NRXN3: variants seen among roughly 807,000 people sequenced by gnomAD.
NRXN3 encodes the protein neurexin III.
A neutral mutation model predicts 137.6 loss-of-function variants in NRXN3; 32 were observed. The ratio of observed to expected loss-of-function variants is 0.23; its 90% CI spans 0.18 to 0.31. The LOEUF (loss-of-function observed/expected upper bound fraction) is 0.31, where lower values mean the gene tolerates loss of function less well. Among genes scored for constraint, NRXN3 ranks in the 10% least tolerant of loss-of-function variants. The probability of loss-of-function intolerance (pLI) is 1.00; values close to 1 mark genes in which losing one functional copy is unlikely to be tolerated. For synonymous variants in NRXN3, 798 were observed against 784.5 expected, an observed-to-expected ratio of 1.02 and a Z score of -0.29; for missense variants, 1,574 against 2,062.5, an observed-to-expected ratio of 0.76 and a Z score of 4.59.
chr14:78,449,523 A>G (rs1268308520), intron 4 of NRXN3, among the ~76,000 whole-genome samples: 1 of 152,204 alleles, frequency 6.6e-6, no homozygotes, highest in Non-Finnish European at 1.5e-5. Context: ...CTGTTATCAC[A>G]TTTATTATCT....
At chr14:78,820,081 C>T (rs1476127074) in intron 10 of NRXN3, among the ~76,000 whole-genome samples, 1 of 151,958 alleles carries the variant, frequency 6.6e-6, no homozygotes, top group African/African-American at 2.4e-5. Context: ...AACCGTTTGA[C>T]CTCTATGCGG....
chr14:78,307,739 T>C (rs1444129662), intron 4 of NRXN3, among the ~76,000 whole-genome samples: 1 of 152,128 alleles, frequency 6.6e-6, no homozygotes, highest in African/African-American at 2.4e-5. Flanking sequence ...GCTGCATCTT[T>C]CATTAAAATT....
At chr14:79,136,154 A>G (rs2058202266) in intron 15 of NRXN3, among the ~76,000 whole-genome samples, 1 of 152,222 alleles carries the variant, frequency 6.6e-6, no homozygotes, top group Admixed American at 6.5e-5. Context: ...GTAATATCCC[A>G]TATAAAATCA....
intron 15 of NRXN3, among the ~76,000 whole-genome samples, chr14:79,393,145 C>G (rs2094909335): frequency 6.6e-6 from 1 of 151,946 alleles, no homozygotes; most frequent in Non-Finnish European, 1.5e-5. Flanking sequence ...AGTTGCCATT[C>G]TAGATAGCAT....
intron 4 of NRXN3, among the ~76,000 whole-genome samples, chr14:78,430,392 G>A (rs1290390593): frequency 6.6e-6 from 1 of 152,224 alleles, no homozygotes; most frequent in East Asian, 1.9e-4. Context: ...GCGTTACTAT[G>A]GCTAAATGTT....
chr14:78,658,010 T>C (rs927890460), intron 6 of NRXN3, among the ~76,000 whole-genome samples: 13 of 152,206 alleles, frequency 8.5e-5, no homozygotes, highest in African/African-American at 3.1e-4. Context: ...TTTTCTCTAA[T>C]TCGTTTGTTT....
At chr14:78,818,354 T>A (rs1208967456) in intron 10 of NRXN3, among the ~76,000 whole-genome samples, 1 of 152,096 alleles carries the variant, frequency 6.6e-6, no homozygotes, top group Non-Finnish European at 1.5e-5. Context: ...GGTAATGAAT[T>A]GTATCCATTG....
At chr14:78,419,638 AGACCAC>A (rs1331780416) in intron 4 of NRXN3, among the ~76,000 whole-genome samples, 1 of 152,188 alleles carries the variant, frequency 6.6e-6, no homozygotes, top group Non-Finnish European at 1.5e-5. Flanking sequence ...TCAAATGCAA[AGACCAC>A]GTGGCAATTA....
At chr14:78,790,664 T>G (rs1400053403) in intron 8 of NRXN3, among the ~76,000 whole-genome samples, 1 of 152,172 alleles carries the variant, frequency 6.6e-6, no homozygotes, top group Non-Finnish European at 1.5e-5. Flanking sequence ...TGCCAGTTGC[T>G]GCATGAATGA....
At chr14:78,716,125 G>C (rs1435830545) in intron 8 of NRXN3, among the ~76,000 whole-genome samples, 1 of 152,168 alleles carries the variant, frequency 6.6e-6, no homozygotes, top group Non-Finnish European at 1.5e-5. Context: ...AGAATGCTGG[G>C]AGGATTCCCT....
At chr14:79,557,936 C>G (rs1386134255) in intron 16 of NRXN3, among the ~76,000 whole-genome samples, 2 of 152,114 alleles carry the variant, frequency 1.3e-5, no homozygotes, top group Non-Finnish European at 2.9e-5. Context: ...CCCTTATCAA[C>G]TAAGTTTATG....
At chr14:79,131,586 T>A (rs2057487985) in intron 15 of NRXN3, among the ~76,000 whole-genome samples, 2 of 152,234 alleles carry the variant, frequency 1.3e-5, no homozygotes, top group African/African-American at 4.8e-5. Context: ...TTCCAAGCTG[T>A]CAGACAGGGT....
At chr14:78,378,339 G>A (rs2088301493) in intron 4 of NRXN3, among the ~76,000 whole-genome samples, 1 of 152,080 alleles carries the variant, frequency 6.6e-6, no homozygotes. Flanking sequence ...ACAAAAATTA[G>A]CCAGGCATGG....
At chr14:79,014,906 G>A (rs10138641) in intron 15 of NRXN3, among the ~76,000 whole-genome samples, 16 of 151,948 alleles carry the variant, frequency 1.1e-4, no homozygotes, top group African/African-American at 3.6e-4. Context: ...ATTTAAGTTC[G>A]CTTTTCCAGG....
At chr14:79,265,231 CTTTTTTTTTTTTT>C (rs936690790) in intron 15 of NRXN3, among the ~76,000 whole-genome samples, 2 of 91,888 alleles carry the variant, frequency 2.2e-5, no homozygotes, top group Admixed American at 1.2e-4. Context: ...GGGGGTTGCT[CTTTTTTTTTTTTT>C]TTTTTTTTTT....
intron 16 of NRXN3, among the ~76,000 whole-genome samples, chr14:79,557,440 A>G (rs1223450112): frequency 6.6e-6 from 1 of 152,158 alleles, no homozygotes; most frequent in Non-Finnish European, 1.5e-5. Context: ...CTTTCAAGTC[A>G]GTATTCATAT....
At chr14:79,369,383 G>A (rs1348780093) in intron 15 of NRXN3, among the ~76,000 whole-genome samples, 1 of 152,166 alleles carries the variant, frequency 6.6e-6, no homozygotes, top group African/African-American at 2.4e-5. Flanking sequence ...TGACTTCAAT[G>A]TTATAAAGAA....
At chr14:78,194,823 C>G (rs1326315436) in intron 1 of NRXN3, among the ~76,000 whole-genome samples, 1 of 152,202 alleles carries the variant, frequency 6.6e-6, no homozygotes, top group African/African-American at 2.4e-5. Flanking sequence ...TGAGCCCTCT[C>G]AGGGGCCCAG....
At chr14:79,740,186 A>G (rs910148565) in intron 19 of NRXN3, among the ~76,000 whole-genome samples, 4 of 151,996 alleles carry the variant, frequency 2.6e-5, no homozygotes, top group Non-Finnish European at 5.9e-5. Flanking sequence ...GACAGTACCA[A>G]TATTTCTTCT....
Sources: gnomAD v4.1 joint callset for allele counts (sites outside exome capture counted in the v4.1 genomes callset) on GRCh38, gnomAD v4.1.1 for gene constraint, MANE v1.5 for transcripts, NCBI Gene and HGNC (gene_info 2026-07-23, HGNC 2026-07-21) for gene names.